The following SAMD12 variants were observed in gnomAD, a reference collection of about 807,000 sequenced individuals.
The protein encoded by SAMD12 is sterile alpha motif domain-containing protein 12.
A neutral mutation model predicts 15.0 loss-of-function variants in SAMD12; 9 were observed. That is an observed-to-expected ratio of 0.60 (90% confidence interval 0.36 to 1.05). The LOEUF is 1.05. Among genes scored for constraint, SAMD12 ranks in the 50% least tolerant of loss-of-function variants. The pLI is 0.01. For synonymous variants in SAMD12, 86 were observed against 90.1 expected (o/e 0.96, Z 0.25); for missense variants, 230 against 234.2 (o/e 0.98, Z 0.12).
chr8:118,394,070 C>G (rs1425330199), intron 3 of SAMD12, among the ~76,000 whole-genome samples: 1 of 152,222 alleles, frequency 6.6e-6, no homozygotes, highest in Non-Finnish European at 1.5e-5. Context: ...TGGATTGACA[C>G]TGGCATTGCT....
the SAMD12 span, among the ~76,000 whole-genome samples, chr8:118,164,964 T>C: frequency 6.9e-6 from 1 of 144,740 alleles, no homozygotes; most frequent in Admixed American, 7.1e-5. Flanking sequence ...ATATTTTGCT[T>C]CTGACACTAG....
chr8:118,206,951 C>T (rs113871534), intron 4 of SAMD12, among the ~76,000 whole-genome samples: 151 of 152,266 alleles, frequency 9.9e-4, no homozygotes, highest in African/African-American at 3.5e-3. Flanking sequence ...ATCAAAGGTG[C>T]TCCTGAAATG....
chr8:118,607,444 C>A (rs1453553977), intron 1 of SAMD12, among the ~76,000 whole-genome samples: 1 of 152,206 alleles, frequency 6.6e-6, no homozygotes, highest in African/African-American at 2.4e-5. Context: ...CCATGTTGGT[C>A]AGGCTGGTCT....
At chr8:118,554,173 C>T (rs1251589000) in intron 2 of SAMD12, among the ~76,000 whole-genome samples, 2 of 152,116 alleles carry the variant, frequency 1.3e-5, no homozygotes, top group Non-Finnish European at 2.9e-5. Context: ...CCCAGACATC[C>T]CATTACTGGG....
chr8:118,471,687 G>A (rs939738463), intron 2 of SAMD12, among the ~76,000 whole-genome samples: 1 of 152,164 alleles, frequency 6.6e-6, no homozygotes, highest in East Asian at 1.9e-4. Flanking sequence ...GGATGTTTGG[G>A]TGTAGTGTCC....
chr8:118,606,957 C>T (rs1462845335), intron 1 of SAMD12, among the ~76,000 whole-genome samples: 1 of 152,100 alleles, frequency 6.6e-6, no homozygotes, highest in East Asian at 1.9e-4. Context: ...GTCAGAGTAC[C>T]CTCATGGTAC....
chr8:118,397,681 C>T (rs996846664), intron 3 of SAMD12, among the ~76,000 whole-genome samples: 9 of 152,058 alleles, frequency 5.9e-5, no homozygotes, highest in Non-Finnish European at 1.3e-4. Flanking sequence ...TCGAATTATG[C>T]TGGGCTGGGT....
At chr8:118,152,886 G>T in the SAMD12 span, among the ~76,000 whole-genome samples, 1 of 152,230 alleles carries the variant, frequency 6.6e-6, no homozygotes, top group Non-Finnish European at 1.5e-5. Context: ...TGCGACACAA[G>T]TACAGCACCA....
chr8:118,220,003 C>T (rs1159167682), intron 4 of SAMD12, among the ~76,000 whole-genome samples: 1 of 152,192 alleles, frequency 6.6e-6, no homozygotes, highest in Non-Finnish European at 1.5e-5. Flanking sequence ...CACTGTTTAC[C>T]TGAATGATAT....
intron 3 of SAMD12, among the ~76,000 whole-genome samples, chr8:118,403,005 C>T (rs1049231404): frequency 3.4e-4 from 51 of 152,186 alleles, no homozygotes; most frequent in African/African-American, 9.7e-4. Context: ...TAAGCAATAT[C>T]TAAAACTTAC....
At chr8:118,233,139 G>A (rs1341292662) in intron 4 of SAMD12, among the ~76,000 whole-genome samples, 3 of 152,084 alleles carry the variant, frequency 2.0e-5, no homozygotes. Flanking sequence ...AAGTCTCAAT[G>A]TATTTGTCTT....
chr8:118,436,046 T>A (rs1208668244), intron 3 of SAMD12, among the ~76,000 whole-genome samples: 1 of 152,184 alleles, frequency 6.6e-6, no homozygotes, highest in Non-Finnish European at 1.5e-5. Flanking sequence ...TATCTACAAC[T>A]CACAGAGTTA....
At chr8:118,260,170 C>A (rs780019476) in intron 4 of SAMD12, among the ~76,000 whole-genome samples, 2 of 152,120 alleles carry the variant, frequency 1.3e-5, no homozygotes, top group Non-Finnish European at 2.9e-5. Context: ...AAATCCCAAA[C>A]CCATATACCT....
intron 4 of SAMD12, among the ~76,000 whole-genome samples, chr8:118,251,557 A>G (rs1812820864): frequency 6.6e-6 from 1 of 152,004 alleles, no homozygotes. Flanking sequence ...TTTATCCCTG[A>G]CTACTTCTTT....
At chr8:118,243,900 G>C (rs895692581) in intron 4 of SAMD12, among the ~76,000 whole-genome samples, 2 of 152,090 alleles carry the variant, frequency 1.3e-5, no homozygotes, top group African/African-American at 4.8e-5. Flanking sequence ...GGCACATTGG[G>C]ACAATGATTT....
At chr8:118,499,066 C>T (rs369741780) in intron 2 of SAMD12, among the ~76,000 whole-genome samples, 2 of 152,196 alleles carry the variant, frequency 1.3e-5, no homozygotes, top group Admixed American at 1.3e-4. Flanking sequence ...CACATCTGTA[C>T]GACTTAACAC....
intron 3 of SAMD12, among the ~76,000 whole-genome samples, chr8:118,386,851 G>T (rs1819990105): frequency 6.6e-6 from 1 of 152,216 alleles, no homozygotes; most frequent in African/African-American, 2.4e-5. Flanking sequence ...GAAGCTGGAG[G>T]TGAGCCAAGA....
intron 4 of SAMD12, among the ~76,000 whole-genome samples, chr8:118,251,221 C>G (rs1276661393): frequency 2.0e-5 from 3 of 151,998 alleles, no homozygotes; most frequent in Non-Finnish European, 2.9e-5. Context: ...TACTAAGAAC[C>G]CTTGAGTTTG....
In SAMD12 at chr8:118,350,231, G is replaced by A. The variant is rs546911696; in HGVS notation, c.433+29329C>T. Reference sequence around the variant, plus strand: ...TTAGTTTACAGGTCAGTAAGGCTAAGAAAAGAAAGGAACTTGACCAAGGTC... The same window carrying A: ...TTAGTTTACAGGTCAGTAAGGCTAAAAAAAGAAAGGAACTTGACCAAGGTC... On this transcript the variant is annotated intron_variant, in intron 4 of 4. Transcript: ENST00000409003. 2.6e-5 allele frequency among the ~76,000 whole-genome samples: 4 copies of A among 152,302 alleles called. No individual in the cohort carries two copies. The East Asian group carries it at 7.7e-4, about 29-fold the overall frequency.
Sources: gnomAD v4.1 joint callset for allele counts (sites outside exome capture counted in the v4.1 genomes callset) on GRCh38, gnomAD v4.1.1 for gene constraint, MANE v1.5 for transcripts, NCBI Gene and HGNC (gene_info 2026-07-23, HGNC 2026-07-21) for gene names.